Variants in DNAH7 observed in about 807,000 individuals in gnomAD.
The protein encoded by DNAH7 is axonemal beta dynein heavy chain 7.
Under a neutral mutation model 444.6 loss-of-function variants are expected in DNAH7, and 397 were observed. The observed-to-expected ratio is 0.89, with a 90% CI of 0.82 to 0.97. The LOEUF (loss-of-function observed/expected upper bound fraction) is 0.97. DNAH7 is among the 50% of genes least tolerant of loss of function. The pLI is 0.00. For synonymous variants in DNAH7, 1,636 were observed against 1,624.4 expected (o/e 1.01, Z -0.17); for missense variants, 4,902 against 4,800.8 (o/e 1.02, Z -0.62).
At chr2:195,887,338 A>G (rs956392137) in intron 33 of DNAH7, among the ~76,000 whole-genome samples, 2 of 151,856 alleles carry the variant, frequency 1.3e-5, no homozygotes, top group Admixed American at 1.3e-4. Context: ...TTTTTGAAAC[A>G]TGATTACTTC....
chr2:195,854,512 C>T (rs1403221819), intron 45 of DNAH7, among the ~76,000 whole-genome samples: 1 of 152,172 alleles, frequency 6.6e-6, no homozygotes, highest in African/African-American at 2.4e-5. Context: ...ATTTGTGATA[C>T]TTCCTAAATT....
chr2:196,012,373 T>C (rs1489424148), intron 10 of DNAH7, among the ~76,000 whole-genome samples: 1 of 152,166 alleles, frequency 6.6e-6, no homozygotes, highest in Non-Finnish European at 1.5e-5. Flanking sequence ...TTAAACGATA[T>C]ACTTTCCCCA....
intron 63 of DNAH7, among the ~76,000 whole-genome samples, chr2:195,747,503 C>T (rs1049608613): frequency 6.8e-4 from 103 of 152,302 alleles, no homozygotes; most frequent in Non-Finnish European, 1.4e-3. Flanking sequence ...CCAGCATCAT[C>T]CTGATACCAA....
At chr2:195,780,514 C>T (rs1319390810) in intron 58 of DNAH7, among the ~76,000 whole-genome samples, 7 of 151,978 alleles carry the variant, frequency 4.6e-5, no homozygotes, top group Non-Finnish European at 1.0e-4. Context: ...TTTGGGAGGC[C>T]GAGGCAGGTA....
intron 63 of DNAH7, 74 bp downstream of exon 63, chr2:195,754,263 G>A: frequency 1.4e-6 from 2 of 1,424,702 alleles, no homozygotes; most frequent in East Asian, 2.4e-5. Context: ...TAACAGCTGA[G>A]GAAAGTATGC....
intron 63 of DNAH7, among the ~76,000 whole-genome samples, chr2:195,751,001 G>T (rs760971398): frequency 4.6e-5 from 7 of 152,094 alleles, no homozygotes; most frequent in Non-Finnish European, 8.8e-5. Flanking sequence ...ATGTAATATA[G>T]TGAGCTGTAT....
chr2:195,954,214 T>TC (rs1370114790), intron 19 of DNAH7, among the ~76,000 whole-genome samples: 4 of 152,286 alleles, frequency 2.6e-5, no homozygotes, highest in South Asian at 2.1e-4. Flanking sequence ...TATGTGATGT[T>TC]CCCCTTCCTG....
At chr2:195,829,383 C>T (rs1212611950) in intron 48 of DNAH7, among the ~76,000 whole-genome samples, 2 of 151,814 alleles carry the variant, frequency 1.3e-5, no homozygotes, top group South Asian at 4.2e-4. Flanking sequence ...ATTGTTTCTT[C>T]CTTTAAATGT....
intron 20 of DNAH7, 72 bp from the exon 21 acceptor site, chr2:195,934,861 T>G: frequency 6.7e-7 from 1 of 1,496,258 alleles, no homozygotes. Context: ...GTTCTTCGTT[T>G]AAAGTTCATA....
chr2:195,948,376 T>C (rs527750831), intron 19 of DNAH7, among the ~76,000 whole-genome samples: 221 of 152,370 alleles, frequency 1.5e-3, no homozygotes, highest in African/African-American at 5.2e-3. Flanking sequence ...CATGCCTGTA[T>C]CCTGAATGGT....
chr2:196,050,892 C>T (rs542365814), intron 3 of DNAH7, among the ~76,000 whole-genome samples: 1 of 152,300 alleles, frequency 6.6e-6, no homozygotes, highest in East Asian at 1.9e-4. Context: ...CCATTAGAGG[C>T]AAAGCTTTAC....
chr2:195,794,181 T>G (rs373824397), intron 57 of DNAH7, among the ~76,000 whole-genome samples, 157 bp downstream of exon 57: 2 of 152,278 alleles, frequency 1.3e-5, no homozygotes, highest in South Asian at 2.1e-4. Context: ...CAAAATTGAC[T>G]TCAGCACAGT....
At chr2:195,828,608 ATAT>A (rs897126854) in intron 48 of DNAH7, among the ~76,000 whole-genome samples, 31 of 105,280 alleles carry the variant, frequency 2.9e-4, no homozygotes, top group East Asian at 1.0e-3. Flanking sequence ...ATATATATAT[ATAT>A]TTTTTTTTTT....
chr2:195,983,619 A>G lies in DNAH7; in HGVS notation c.1833+1013T>C, dbSNP rs548576516. Among the ~76,000 whole-genome samples the G allele has an allele frequency of 3.9e-5, 6 of 152,264 alleles. No homozygotes were observed. The South Asian group carries it at 6.2e-4, about 16-fold the overall frequency. On this transcript the variant is annotated intron_variant, in intron 15 of 64. Coordinates refer to ENST00000312428, the MANE Select transcript of DNAH7 (RefSeq NM_018897.3). ...CCTCCTACTAGGCCCCACCTCCAAC[A>G]CTGGGGATCATGTTTCAACATAAGA...
At chr2:196,047,243 A>G in intron 5 of DNAH7, 109 bp downstream of exon 5, 2 of 954,230 alleles carry the variant, frequency 2.1e-6, no homozygotes, top group East Asian at 5.5e-5. Context: ...TCATTCCAAC[A>G]AGCCTTTGAG....
chr2:195,851,159 C>T (rs79518268), intron 46 of DNAH7, among the ~76,000 whole-genome samples: 4,806 of 152,232 alleles, frequency 0.032, 93 homozygotes, highest in Middle Eastern at 0.054. Flanking sequence ...CCAACCCTTA[C>T]GCTGAGAATT....
chr2:195,738,270 G>C, intron 64 of DNAH7, 143 bp from the exon 65 acceptor site: 2 of 678,470 alleles, frequency 2.9e-6, no homozygotes, highest in Non-Finnish European at 5.0e-6. Flanking sequence ...CAGTGTTGTT[G>C]TGATTGCTCA....
intron 21 of DNAH7, among the ~76,000 whole-genome samples, chr2:195,932,404 C>G (rs7563357): frequency 6.6e-6 from 1 of 151,992 alleles, no homozygotes; most frequent in Non-Finnish European, 1.5e-5. Flanking sequence ...CTTGAATACC[C>G]TTTATGTCCT....
chr2:196,026,464 C>T (rs1215277221), intron 7 of DNAH7, among the ~76,000 whole-genome samples: 1 of 152,106 alleles, frequency 6.6e-6, no homozygotes, highest in Non-Finnish European at 1.5e-5. Flanking sequence ...TGCCTAATGC[C>T]TCGCATAAAT....
Sources: allele counts gnomAD v4.1 joint callset (sites outside exome capture counted in the v4.1 genomes callset), GRCh38; gene constraint gnomAD v4.1.1; transcripts MANE v1.5; gene names NCBI Gene and HGNC (gene_info 2026-07-23, HGNC 2026-07-21).